Variants in KIF26B observed in about 807,000 individuals in gnomAD.
KIF26B encodes kinesin-like protein KIF26B.
In KIF26B, 63 loss-of-function variants were observed where a neutral mutation model predicts 151.2. The ratio of observed to expected loss-of-function variants is 0.42; its 90% CI spans 0.34 to 0.51. The LOEUF is 0.51. Ranked by LOEUF, KIF26B falls within the 20% of genes least tolerant of loss-of-function variation. KIF26B has a pLI of 0.07. For synonymous variants in KIF26B, 1,357 were observed against 1,262.1 expected, an observed-to-expected ratio of 1.08 and a Z score of -1.59; for missense variants, 2,813 against 2,913.6, an observed-to-expected ratio of 0.97 and a Z score of 0.79.
chr1:245,279,741 C>G (rs1249804885), intron 2 of KIF26B, among the ~76,000 whole-genome samples: 1 of 151,764 alleles, frequency 6.6e-6, no homozygotes, highest in Non-Finnish European at 1.5e-5. Context: ...CAAGTAATCA[C>G]TCTTTTTTTT....
intron 3 of KIF26B, among the ~76,000 whole-genome samples, chr1:245,395,742 C>T (rs1050132333): frequency 2.0e-5 from 3 of 152,174 alleles, no homozygotes; most frequent in African/African-American, 4.8e-5. Context: ...GTCATAATCA[C>T]GTCAGCCTAC....
At chr1:245,416,243 GCACTCCAGC>G (rs11276678) in intron 3 of KIF26B, among the ~76,000 whole-genome samples, 93,433 of 144,562 alleles carry the variant, frequency 0.65, 30,689 homozygotes, top group Middle Eastern at 0.71. Flanking sequence ...TCACGCCATT[GCACTCCAGC>G]CTGGGCAACA....
At chr1:245,324,851 C>T (rs1169054482) in intron 2 of KIF26B, among the ~76,000 whole-genome samples, 4 of 151,860 alleles carry the variant, frequency 2.6e-5, no homozygotes, top group African/African-American at 9.7e-5. Flanking sequence ...TCCCAGCACT[C>T]TGGGAGGTCG....
chr1:245,299,445 T>C (rs1573760684), intron 2 of KIF26B, among the ~76,000 whole-genome samples: 2 of 151,994 alleles, frequency 1.3e-5, no homozygotes, highest in Admixed American at 1.3e-4. Context: ...TATCAGATGG[T>C]ATTTTCATAG....
intron 2 of KIF26B, among the ~76,000 whole-genome samples, chr1:245,178,796 C>T (rs1397502674): frequency 6.6e-6 from 1 of 152,140 alleles, no homozygotes; most frequent in Admixed American, 6.5e-5. Flanking sequence ...CTGGTGGTAC[C>T]GCCTGTGACG....
At chr1:245,281,205 G>A (rs1160546028) in intron 2 of KIF26B, among the ~76,000 whole-genome samples, 1 of 70,026 alleles carries the variant, frequency 1.4e-5, no homozygotes, top group Non-Finnish European at 2.6e-5. Context: ...GGTTGAACTA[G>A]TTTACAGTCC....
intron 10 of KIF26B, among the ~76,000 whole-genome samples, chr1:245,671,919 C>T (rs1018923221): frequency 1.3e-5 from 2 of 152,288 alleles, no homozygotes; most frequent in Middle Eastern, 3.4e-3. Context: ...GTGCGTGCCC[C>T]GAGCCTGCAG....
chr1:245,387,666 T>C (rs964752077), intron 3 of KIF26B, among the ~76,000 whole-genome samples: 14 of 152,044 alleles, frequency 9.2e-5, no homozygotes, highest in Admixed American at 2.0e-4. Flanking sequence ...CCCTCCAGCC[T>C]AAACAACAGA....
chr1:245,392,104 G>A lies in KIF26B; in HGVS notation c.999+24737G>A, dbSNP rs1053685303. Among the ~76,000 whole-genome samples, 5 of 151,774 alleles carry A rather than the reference G, an allele frequency of 3.3e-5. No individual in the cohort carries two copies. In the East Asian group the frequency reaches 9.7e-4, roughly 29 times the overall value. On this transcript the variant is annotated intron_variant, in intron 3 of 14. Coordinates refer to ENST00000407071, the MANE Select transcript of KIF26B (RefSeq NM_018012.4). ...AAAAAAATTGAACCATGAAGGAAGA[G>A]CTCTCTGGGGCTCTCCGTAATGTTT...
At chr1:245,233,497 C>T (rs1670040169) in intron 2 of KIF26B, among the ~76,000 whole-genome samples, 1 of 152,182 alleles carries the variant, frequency 6.6e-6, no homozygotes, top group Non-Finnish European at 1.5e-5. Context: ...CAGTCCCATA[C>T]CAGATCTCTT....
intron 3 of KIF26B, among the ~76,000 whole-genome samples, chr1:245,397,468 C>T (rs1268913529): frequency 3.9e-5 from 6 of 151,994 alleles, no homozygotes; most frequent in Non-Finnish European, 8.8e-5. Flanking sequence ...CACCCTCCTC[C>T]GCCTCCCAAA....
rs1558230157 is a variant in KIF26B at position 245,597,020 on chromosome 1, C to T, written c.1351-5557C>T. Among the ~76,000 whole-genome samples the T allele has an allele frequency of 6.6e-6, 1 of 152,072 alleles. No individual in the cohort carries two copies. The highest frequency in any genetic ancestry group is 1.5e-5 in the Non-Finnish European group (1 of 68,002). On this transcript the variant is annotated intron_variant, in intron 5 of 14. Coordinates refer to ENST00000407071, the MANE Select transcript of KIF26B (RefSeq NM_018012.4). This position sits in a 1 kb window ranked among gnomAD's most constrained non-coding sequence, Gnocchi z 4.6. ...CTTCCTCCATCCCTTTATTTTGAGG[C>T]TATGTGTGACTCAGATGGGTCTCCT...
At chr1:245,174,581 G>C (rs903626356) in intron 2 of KIF26B, among the ~76,000 whole-genome samples, 1 of 152,140 alleles carries the variant, frequency 6.6e-6, no homozygotes, top group Non-Finnish European at 1.5e-5. Context: ...ATCATAGCTC[G>C]CTGTAACCTC....
At chr1:245,552,070 A>T (rs902506901) in intron 5 of KIF26B, among the ~76,000 whole-genome samples, 1 of 150,270 alleles carries the variant, frequency 6.7e-6, no homozygotes, top group Non-Finnish European at 1.5e-5. Flanking sequence ...ATAGGTGCTC[A>T]GTAAATACTA....
At chr1:245,493,609 C>G (rs780244736) in intron 4 of KIF26B, among the ~76,000 whole-genome samples, 49 of 152,210 alleles carry the variant, frequency 3.2e-4, no homozygotes, top group Admixed American at 5.9e-4. Flanking sequence ...AGAACAGATT[C>G]TGGCCTCAGC....
At chr1:245,619,555 G>A (rs552716710) in intron 9 of KIF26B, among the ~76,000 whole-genome samples, 2 of 147,618 alleles carry the variant, frequency 1.4e-5, no homozygotes, top group African/African-American at 2.5e-5. Context: ...GCAGTGAGCC[G>A]AGATGGCGCC....
chr1:245,695,213 C>T (rs572805126), intron 12 of KIF26B, among the ~76,000 whole-genome samples: 8 of 152,304 alleles, frequency 5.3e-5, no homozygotes, highest in South Asian at 2.1e-4. Flanking sequence ...CCAGGACCCT[C>T]GGGTCAGTCT....
At chr1:245,263,013 T>G (rs1670675868) in intron 2 of KIF26B, among the ~76,000 whole-genome samples, 2 of 152,250 alleles carry the variant, frequency 1.3e-5, no homozygotes, top group Admixed American at 6.5e-5. Flanking sequence ...TATTCATTGT[T>G]CTTGTTATTA....
intron 2 of KIF26B, among the ~76,000 whole-genome samples, chr1:245,242,056 G>A (rs988247271): frequency 6.6e-6 from 1 of 152,162 alleles, no homozygotes; most frequent in Non-Finnish European, 1.5e-5. Context: ...ATGCCTGACT[G>A]TTAGATTTAA....
Sources: gnomAD v4.1 joint callset for allele counts (sites outside exome capture counted in the v4.1 genomes callset) on GRCh38, gnomAD v4.1.1 for gene constraint, Gnocchi (gnomAD v3.1) non-coding constraint, MANE v1.5 for transcripts, NCBI Gene and HGNC (gene_info 2026-07-23, HGNC 2026-07-21) for gene names.